SBNO2: variants seen among roughly 807,000 people sequenced by gnomAD.
SBNO2 encodes the protein protein strawberry notch homolog 2.
In SBNO2, 89 loss-of-function variants were observed where a neutral mutation model predicts 146.3. The ratio of observed to expected loss-of-function variants is 0.61; its 90% confidence interval spans 0.51 to 0.73. SBNO2 has a LOEUF of 0.73. SBNO2 is among the 30% of genes least tolerant of loss of function. The pLI, the probability that SBNO2 is intolerant of heterozygous loss-of-function variation, is 0.00. For synonymous variants in SBNO2, 1,147 were observed against 892.6 expected, an observed-to-expected ratio of 1.29 and a Z score of -5.08; for missense variants, 2,092 against 2,003.7, an observed-to-expected ratio of 1.04 and a Z score of -0.84.
intron 4 of SBNO2, among the ~76,000 whole-genome samples, chr19:1,146,676 G>A (rs1431832745): frequency 6.6e-6 from 1 of 150,606 alleles, no homozygotes; most frequent in Non-Finnish European, 1.5e-5. Flanking sequence ...CAGAGCTGCC[G>A]AGAGGAAGCT....
Position 1,109,116 on chromosome 19 carries a change from G to C in SBNO2, c.3425+19C>G. 1 of 1,548,166 alleles carries C rather than the reference G, an allele frequency of 6.5e-7. No homozygotes were observed. The highest frequency in any genetic ancestry group is 8.7e-7 in the Non-Finnish European group (1 of 1,146,152). On this transcript the variant is annotated intron_variant, in intron 30 of 31. Transcript: ENST00000361757. The surrounding 1 kb of genome is among the most constrained non-coding windows in gnomAD (Gnocchi z 4.2). Reference sequence around the variant, plus strand: ...GCCGCCATCTGCCGGTTTCCCCCTGGTCCCCGGCCCGCCCTCACCAGGCGC... The same window carrying C: ...GCCGCCATCTGCCGGTTTCCCCCTGCTCCCCGGCCCGCCCTCACCAGGCGC...
At chr19:1,127,553 G>T in intron 5 of SBNO2, 51 bp downstream of exon 5, 1 of 1,576,716 alleles carries the variant, frequency 6.3e-7, no homozygotes, top group Admixed American at 1.7e-5. Context: ...CCCGGGCTGG[G>T]GAGGCCACGC....
rs891242073 is a variant in SBNO2, at chr19:1,140,455, C to T, written c.279+6854G>A. Among the ~76,000 whole-genome samples the T allele has an allele frequency of 2.0e-5, 3 of 152,164 alleles. No individual in the cohort carries two copies. The highest frequency in any genetic ancestry group is 1.9e-4 in the East Asian group (1 of 5,192). On this transcript the variant is annotated intron_variant, in intron 4 of 31. Coordinates refer to ENST00000361757, the MANE Select transcript of SBNO2 (RefSeq NM_014963.3). This position sits in a 1 kb window ranked among gnomAD's most constrained non-coding sequence, Gnocchi z 4.4. ...TGATGGCTTCGCGCCAACCTGGAGACGGAAGGCTGAGCAGAAGTGAGGGGG... is the reference window on the plus strand; with the variant it reads ...TGATGGCTTCGCGCCAACCTGGAGATGGAAGGCTGAGCAGAAGTGAGGGGG...
chr19:1,115,313 T>G (rs1389923257), intron 17 of SBNO2: 1 of 151,924 alleles, frequency 6.6e-6, no homozygotes, highest in African/African-American at 2.4e-5. Context: ...TGATCTCGGC[T>G]CACTGCAATC....
intron 4 of SBNO2, among the ~76,000 whole-genome samples, chr19:1,130,848 G>T (rs2080020054): frequency 6.6e-6 from 1 of 152,172 alleles, no homozygotes. Flanking sequence ...GCAGCTTTCA[G>T]GCTTCAAGAA....
chr19:1,139,204 T>G (rs1268578457), intron 4 of SBNO2, among the ~76,000 whole-genome samples: 1 of 152,174 alleles, frequency 6.6e-6, no homozygotes, highest in Non-Finnish European at 1.5e-5. Flanking sequence ...GGATGTACCT[T>G]GAGGACATCA....
In SBNO2 at chr19:1,110,694, C is replaced by T. The variant is rs764431922; in HGVS notation, c.3028+51G>A. Reference sequence around the variant, plus strand: ...CCACCCAGGATGCATGGCGTTCCCACGAGCCCCGCACCCACACCCACCCAC... The same window carrying T: ...CCACCCAGGATGCATGGCGTTCCCATGAGCCCCGCACCCACACCCACCCAC... On this transcript the variant is annotated intron_variant, in intron 26 of 31. Transcript: ENST00000361757. This position sits in a 1 kb window ranked among gnomAD's most constrained non-coding sequence, Gnocchi z 4.9. The T allele has an allele frequency of 4.6e-5, 74 of 1,596,912 alleles. No individual in the cohort carries two copies. The highest frequency in any genetic ancestry group is 4.4e-4 in the Admixed American group (26 of 59,334).
At position 1,136,612 on chromosome 19, in the gene SBNO2, G is replaced by GT. The variant is rs2080086709; in HGVS notation, c.280-8848dup. Among the ~76,000 whole-genome samples the GT allele has an allele frequency of 6.6e-6, 1 of 152,176 alleles. No individual in the cohort carries two copies. The highest frequency in any genetic ancestry group is 1.5e-5 in the Non-Finnish European group (1 of 68,012). ...GCTGGGTGTGAACCAAAGACTTCCTGTAAGAAATCCCCCTCTCCCTCTCCC... is the reference window on the plus strand; with the variant it reads ...GCTGGGTGTGAACCAAAGACTTCCTGTTAAGAAATCCCCCTCTCCCTCTCCC... On this transcript the variant is annotated intron_variant, in intron 4 of 31. Coordinates refer to ENST00000361757, the MANE Select transcript of SBNO2 (RefSeq NM_014963.3). The surrounding 1 kb of genome is among the most constrained non-coding windows in gnomAD (Gnocchi z 4.2).
At position 1,109,152 on chromosome 19, in the gene SBNO2, G is replaced by A. The variant is rs988247571; in HGVS notation, c.3408C>T (p.His1136=). 8 of 1,554,908 alleles carry A rather than the reference G, an allele frequency of 5.1e-6. No individual in the cohort carries two copies. The highest frequency in any genetic ancestry group is 3.9e-5 in the Admixed American group (2 of 51,456). ...WESGYALSLT[H]CSHSAWNRHC... is the part of the protein sequence containing the mutation. ...GCCCTCACCAGGCGCTGTGGCTGCAGTGCGTCAGCGACAAAGCGTAGCCAC... is the reference window on the plus strand; with the variant it reads ...GCCCTCACCAGGCGCTGTGGCTGCAATGCGTCAGCGACAAAGCGTAGCCAC... The change falls in exon 30 of 32, where the codon CAC becomes CAT. Residue 1136 remains histidine, a synonymous_variant. Coordinates refer to ENST00000361757, the MANE Select transcript of SBNO2 (RefSeq NM_014963.3). The surrounding 1 kb of genome is among the most constrained non-coding windows in gnomAD (Gnocchi z 4.2).
chr19:1,108,755 C>T (rs564379739), intron 31 of SBNO2, 24 bp downstream of exon 31: 2 of 1,594,950 alleles, frequency 1.3e-6, no homozygotes, highest in Non-Finnish European at 1.7e-6. Context: ...TCGGGCCTTC[C>T]CGGGGCGCCC....
chr19:1,170,063 G>A (rs954215945), intron 1 of SBNO2, among the ~76,000 whole-genome samples: 4 of 152,178 alleles, frequency 2.6e-5, no homozygotes, highest in Non-Finnish European at 5.9e-5. Flanking sequence ...ACGGAGTCAC[G>A]TGCCGTGGCC....
intron 1 of SBNO2, among the ~76,000 whole-genome samples, chr19:1,162,162 T>C (rs2080353694): frequency 1.9e-5 from 1 of 53,316 alleles, no homozygotes; most frequent in Admixed American, 1.5e-4. Flanking sequence ...GGTTTTATTC[T>C]TTTTTAAAAT....
At position 1,113,013 on chromosome 19, in the gene SBNO2, C is replaced by T. The variant is rs1390608270; in HGVS notation, c.2248-64G>A. On this transcript the variant is annotated intron_variant, in intron 19 of 31. Coordinates refer to ENST00000361757, the MANE Select transcript of SBNO2 (RefSeq NM_014963.3). ...GTGGCCTCGCAGGAGTCTGGCCACC[C>T]GTGTCTCAGCTTCCCTATGTCCTAC... 6.7e-6 allele frequency: 10 copies of T among 1,496,708 alleles called. No homozygotes were observed. The Admixed American group carries it at 8.1e-5, about 12-fold the overall frequency. The allele number at this position is 1,496,708 out of a possible 1,614,324, so 92.7% of individuals were successfully genotyped here.
In SBNO2 at chr19:1,140,038, G is replaced by A. The variant is rs1413545631; in HGVS notation, c.279+7271C>T. Among the ~76,000 whole-genome samples the A allele has an allele frequency of 2.0e-5, 3 of 152,006 alleles. No homozygotes were observed. The highest frequency in any genetic ancestry group is 2.9e-5 in the Non-Finnish European group (2 of 67,988). ...ATGCAGGCCGGGCGCGGTGGCTCACGCCTGTAATCCCAATGCTTTGGGAGG... is the reference window on the plus strand; with the variant it reads ...ATGCAGGCCGGGCGCGGTGGCTCACACCTGTAATCCCAATGCTTTGGGAGG... On this transcript the variant is annotated intron_variant, in intron 4 of 31. Transcript: ENST00000361757. This position sits in a 1 kb window ranked among gnomAD's most constrained non-coding sequence, Gnocchi z 4.4.
intron 4 of SBNO2, among the ~76,000 whole-genome samples, chr19:1,130,758 C>T (rs1298596337): frequency 6.6e-6 from 1 of 152,174 alleles, no homozygotes; most frequent in African/African-American, 2.4e-5. Context: ...TGCCACTGCA[C>T]ACCAGCCTGG....
intron 1 of SBNO2, among the ~76,000 whole-genome samples, chr19:1,170,038 G>C (rs962956311): frequency 2.6e-5 from 4 of 152,208 alleles, no homozygotes; most frequent in African/African-American, 9.6e-5. Context: ...GCCCTGCTCT[G>C]CACACGTCAC....
chr19:1,111,264 G>A (rs1200846256), intron 24 of SBNO2, among the ~76,000 whole-genome samples, 171 bp from the exon 25 acceptor site: 3 of 152,204 alleles, frequency 2.0e-5, no homozygotes, highest in Non-Finnish European at 4.4e-5. Flanking sequence ...ACAGGAGTGA[G>A]AACAGCATGT....
chr19:1,114,488 C>T (rs769609706), intron 17 of SBNO2, 66 bp from the exon 18 acceptor site: 49 of 1,346,192 alleles, frequency 3.6e-5, no homozygotes, highest in African/African-American at 5.9e-5. Context: ...GTGGAGGAGA[C>T]GCAGCAGGAC....
Position 1,112,149 on chromosome 19 carries a change from G to A in SBNO2, c.2628+40C>T. 1.9e-6 allele frequency: 3 copies of A among 1,593,542 alleles called. No homozygotes were observed. The highest frequency in any genetic ancestry group is 1.3e-5 in the African/African-American group (1 of 74,722). ...CACAAAGCTTTGGAGAGCCTTCCTG[G>A]GCCTGTCCCTGGTTCTCAGCCCCAC... is the stretch of plus-strand genomic sequence containing the variant. On this transcript the variant is annotated intron_variant, in intron 22 of 31. Coordinates refer to ENST00000361757, the MANE Select transcript of SBNO2 (RefSeq NM_014963.3). The surrounding 1 kb of genome is among the most constrained non-coding windows in gnomAD (Gnocchi z 5.9).
Sources: allele counts gnomAD v4.1 joint callset (sites outside exome capture counted in the v4.1 genomes callset), GRCh38; gene constraint gnomAD v4.1.1; non-coding constraint Gnocchi (gnomAD v3.1); transcripts MANE v1.5; gene names NCBI Gene and HGNC (gene_info 2026-07-23, HGNC 2026-07-21).